CACNA1C: variants seen among roughly 807,000 people sequenced by gnomAD.
CACNA1C encodes the protein voltage-dependent L-type calcium channel subunit alpha-1C.
CACNA1C carries 30 observed loss-of-function variants against 229.0 expected under a neutral mutation model. That is an observed-to-expected ratio of 0.13 (90% CI 0.10 to 0.18). CACNA1C has a LOEUF of 0.18. Among genes scored for constraint, CACNA1C ranks in the 10% least tolerant of loss-of-function variants. The pLI is 1.00. For missense variants in CACNA1C, 1,658 were observed against 2,845.0 expected (o/e 0.58, Z 9.49); for synonymous variants, 1,114 against 1,132.5 (o/e 0.98, Z 0.33).
chr12:2,071,172 C>CCCTCCCTTCCTG (rs1555115765), intron 1 of CACNA1C, among the ~76,000 whole-genome samples: 4 of 16,042 alleles, frequency 2.5e-4, no homozygotes, highest in Non-Finnish European at 3.5e-4. Context: ...CTCCCTCCCT[C>CCCTCCCTTCCTG]CCTGCCTGCC....
chr12:2,624,665 A>C (rs575028503), intron 29 of CACNA1C, among the ~76,000 whole-genome samples: 1 of 152,134 alleles, frequency 6.6e-6, no homozygotes, highest in Non-Finnish European at 1.5e-5. Flanking sequence ...CACCCACTGT[A>C]TACTCCATGT....
At chr12:2,555,630 C>G (rs72653438) in intron 10 of CACNA1C, among the ~76,000 whole-genome samples, 1 of 152,228 alleles carries the variant, frequency 6.6e-6, no homozygotes, top group African/African-American at 2.4e-5. Context: ...CCCTCCCACA[C>G]GCTGTTAACC....
At chr12:2,249,804 TC>T (rs1214609590) in intron 3 of CACNA1C, among the ~76,000 whole-genome samples, 2 of 140,402 alleles carry the variant, frequency 1.4e-5, no homozygotes, top group African/African-American at 5.4e-5. Flanking sequence ...GGAGTCTCAC[TC>T]TGTTGCCCAG....
At chr12:2,330,932 TGAAA>T (rs1186503652) in intron 3 of CACNA1C, among the ~76,000 whole-genome samples, 1 of 152,002 alleles carries the variant, frequency 6.6e-6, no homozygotes, top group Non-Finnish European at 1.5e-5. Context: ...CTCAAAACAG[TGAAA>T]GAAATTACAA....
chr12:2,239,245 C>A (rs113338509), intron 3 of CACNA1C, among the ~76,000 whole-genome samples: 2 of 152,182 alleles, frequency 1.3e-5, no homozygotes, highest in Non-Finnish European at 2.9e-5. Flanking sequence ...CCAGAGCACT[C>A]CGGTTTGGTC....
chr12:2,136,508 G>A (rs750849713), intron 3 of CACNA1C, among the ~76,000 whole-genome samples: 20 of 151,328 alleles, frequency 1.3e-4, no homozygotes, highest in Non-Finnish European at 2.7e-4. Flanking sequence ...AATGGGAGGG[G>A]TATTTTGCTT....
In CACNA1C at chr12:2,115,282, G is replaced by T; in HGVS notation, c.108G>T (p.Ala36=). The T allele has an allele frequency of 1.3e-6, 2 of 1,590,120 alleles. No individual in the cohort carries two copies. Among genetic ancestry groups the T allele is most frequent in the East Asian group, 2.3e-5 (1 of 43,524 alleles). The change falls in exon 2 of 47, where the codon GCG becomes GCT. Residue 36 remains alanine, a synonymous_variant. Coordinates refer to ENST00000399655, the MANE Select transcript of CACNA1C (RefSeq NM_000719.7). The part of the protein sequence containing the change: ...AHANMNANAA[A]GLAPEHIPTP... ...CCAACATGAATGCCAATGCGGCAGCGGGGCTGGCCCCTGAGCACATCCCCA... is the reference window on the plus strand; with the variant it reads ...CCAACATGAATGCCAATGCGGCAGCTGGGCTGGCCCCTGAGCACATCCCCA...
intron 3 of CACNA1C, among the ~76,000 whole-genome samples, chr12:2,293,300 C>A (rs968164619): frequency 6.6e-6 from 1 of 152,130 alleles, no homozygotes; most frequent in African/African-American, 2.4e-5. Flanking sequence ...TGCCTTTTTG[C>A]CTGTTCACAA....
intron 31 of CACNA1C, among the ~76,000 whole-genome samples, chr12:2,648,868 G>T (rs1454977430): frequency 6.6e-6 from 1 of 152,176 alleles, no homozygotes; most frequent in Non-Finnish European, 1.5e-5. Context: ...AATTTGCAGA[G>T]GGTACCTATG....
At chr12:2,614,543 G>T (rs1456360774) in intron 29 of CACNA1C, 3 of 152,206 alleles carry the variant, frequency 2.0e-5, no homozygotes, top group African/African-American at 2.4e-5. Context: ...AGCTCTGGAA[G>T]AATATCCAGC....
At chr12:2,443,808 C>A (rs1029220112) in intron 3 of CACNA1C, among the ~76,000 whole-genome samples, 2 of 152,214 alleles carry the variant, frequency 1.3e-5, no homozygotes, top group African/African-American at 2.4e-5. Flanking sequence ...TTAGATGTTT[C>A]TATGACAGCA....
chr12:2,526,217 C>T (rs577959982), intron 9 of CACNA1C, among the ~76,000 whole-genome samples: 2 of 152,314 alleles, frequency 1.3e-5, no homozygotes, highest in Admixed American at 1.3e-4. Context: ...AAAGGGGGCT[C>T]CAGGTCCCTG....
intron 3 of CACNA1C, among the ~76,000 whole-genome samples, chr12:2,385,271 C>G (rs2098355063): frequency 3.3e-5 from 5 of 152,128 alleles, no homozygotes; most frequent in Non-Finnish European, 5.9e-5. Context: ...AGACCGGCCC[C>G]CTCAGATGCA....
chr12:2,527,886 G>T (rs1450198357), intron 9 of CACNA1C, among the ~76,000 whole-genome samples: 5 of 152,108 alleles, frequency 3.3e-5, no homozygotes, highest in Non-Finnish European at 7.4e-5. Flanking sequence ...CTAACCATCA[G>T]GCCGAGCATC....
rs1250142254 is a variant in CACNA1C, at chr12:2,608,281, A to G, written c.3357-230A>G. 6.6e-6 allele frequency among the ~76,000 whole-genome samples: 1 copy of G among 152,242 alleles called. No individual in the cohort carries two copies. The highest frequency in any genetic ancestry group is 1.5e-5 in the Non-Finnish European group (1 of 68,042). ...CATTATTCTAACTACCCTGCAAGGT[A>G]GGAAAGTCAGGAATTATTGTCTCCA... is the stretch of plus-strand genomic sequence containing the variant. On this transcript the variant is annotated intron_variant, in intron 26 of 46. Coordinates refer to ENST00000399655, the MANE Select transcript of CACNA1C (RefSeq NM_000719.7). The surrounding 1 kb of genome is among the most constrained non-coding windows in gnomAD (Gnocchi z 4.2).
chr12:2,669,705 G>A (rs948181697), intron 38 of CACNA1C, among the ~76,000 whole-genome samples: 2 of 152,228 alleles, frequency 1.3e-5, no homozygotes, highest in Non-Finnish European at 2.9e-5. Flanking sequence ...AGTGGTGGCC[G>A]TGGTGGAGGT....
chr12:2,565,357 C>T lies in CACNA1C; in HGVS notation c.1509-1065C>T, dbSNP rs375095401. Among the ~76,000 whole-genome samples, 11 of 151,646 alleles carry T rather than the reference C, an allele frequency of 7.3e-5. 1 individual carries two copies. The highest frequency in any genetic ancestry group is 6.3e-4 in the South Asian group (3 of 4,780). Reference sequence around the variant, plus strand: ...TGGCGGGCGCCTGTAGTCCCAGCTACTCGGGAGGCTGAGGCAGGAGAATGG... The same window carrying T: ...TGGCGGGCGCCTGTAGTCCCAGCTATTCGGGAGGCTGAGGCAGGAGAATGG... On this transcript the variant is annotated intron_variant, in intron 11 of 46. Transcript: ENST00000399655.
At chr12:2,016,601 TG>T (rs1161620262) in intron 1 of CACNA1C, among the ~76,000 whole-genome samples, 4 of 152,164 alleles carry the variant, frequency 2.6e-5, no homozygotes, top group African/African-American at 9.7e-5. Flanking sequence ...GCTAATTTTT[TG>T]TATTTTTAGT....
In CACNA1C at chr12:2,053,661, G is replaced by A. The variant is rs773299783; in HGVS notation, c.49+50G>A. 2.5e-5 allele frequency: 39 copies of A among 1,529,570 alleles called. No homozygotes were observed. Among genetic ancestry groups the A allele is most frequent in the Non-Finnish European group, 3.1e-5 (35 of 1,138,452 alleles). The allele number at this position is 1,529,570 out of a possible 1,614,324, so 94.7% of individuals were successfully genotyped here. A position where few individuals can be genotyped will look rare whatever the true frequency, so the allele number is the denominator to read the frequency against. On this transcript the variant is annotated intron_variant, in intron 1 of 46. Coordinates refer to ENST00000399655, the MANE Select transcript of CACNA1C (RefSeq NM_000719.7). This position sits in a 1 kb window ranked among gnomAD's most constrained non-coding sequence, Gnocchi z 5.8. ...CCGGGGCTCCCTGCCTTTTCCACCGGGTTCCTGCCCTACCCGCGCTCCCCG... is the reference window on the plus strand; with the variant it reads ...CCGGGGCTCCCTGCCTTTTCCACCGAGTTCCTGCCCTACCCGCGCTCCCCG...
Sources: gnomAD v4.1 joint callset for allele counts (sites outside exome capture counted in the v4.1 genomes callset) on GRCh38, gnomAD v4.1.1 for gene constraint, Gnocchi (gnomAD v3.1) non-coding constraint, MANE v1.5 for transcripts, NCBI Gene and HGNC (gene_info 2026-07-23, HGNC 2026-07-21) for gene names.